Variants in NHS observed in about 807,000 individuals in gnomAD.
NHS encodes NHS actin remodeling regulator.
In NHS, 5 loss-of-function variants were observed where a neutral mutation model predicts 72.5. That is an observed-to-expected ratio of 0.07 (90% CI 0.04 to 0.14). The LOEUF (loss-of-function observed/expected upper bound fraction) is 0.14, where lower values mean the gene tolerates loss of function less well. NHS is among the 10% of genes least tolerant of loss of function. The pLI is 1.00. For missense variants in NHS, 1,072 were observed against 1,355.7 expected, an observed-to-expected ratio of 0.79 and a Z score of 3.29; for synonymous variants, 464 against 547.7, an observed-to-expected ratio of 0.85 and a Z score of 2.13.
intron 1 of NHS, among the ~76,000 whole-genome samples, chrX:17,522,623 G>C (rs35191233): frequency 0.079 from 8,198 of 103,262 alleles, 861 homozygotes; most frequent in African/African-American, 0.27. Flanking sequence ...ATCTGGAAAA[G>C]CCGGACTGGA....
chrX:17,580,208 G>A (rs2065536010), intron 1 of NHS, among the ~76,000 whole-genome samples: 1 of 110,996 alleles, frequency 9.0e-6, no homozygotes, highest in Non-Finnish European at 1.9e-5. Context: ...GGAAAAGATG[G>A]ACTGTAGAGC....
chrX:17,476,195 G>A (rs764611198), intron 1 of NHS, among the ~76,000 whole-genome samples: 4 of 111,884 alleles, frequency 3.6e-5, no homozygotes, highest in Admixed American at 2.9e-4. Context: ...GAAGCCTAAA[G>A]AAGAAGCAGT....
intron 1 of NHS, among the ~76,000 whole-genome samples, chrX:17,614,756 T>C (rs1057128483): frequency 9.0e-6 from 1 of 111,347 alleles, no homozygotes; most frequent in Non-Finnish European, 1.9e-5. Context: ...CATTGTGTGA[T>C]AAAGGTTTTT....
At position 17,375,691 on chromosome X, in the gene NHS, C is replaced by G. The variant is rs1601678103; in HGVS notation, c.-67C>G. On this transcript the variant is annotated 5_prime_UTR_variant, in exon 1 of 9. Transcript: ENST00000676302. Reference sequence around the variant, plus strand: ...CCTGCCCCCTCCCTGCTCAGGTGGGCGCGCCCGGTCTCCAGCTCACAGGGG... The same window carrying G: ...CCTGCCCCCTCCCTGCTCAGGTGGGGGCGCCCGGTCTCCAGCTCACAGGGG... 3.6e-6 allele frequency: 4 copies of G among 1,112,756 alleles called. No homozygotes were observed. In the African/African-American group the frequency reaches 5.4e-5, roughly 15 times the overall value. The allele number at this position is 1,112,756 out of a possible 1,213,427, so 91.7% of individuals were successfully genotyped here. A position where few individuals can be genotyped will look rare whatever the true frequency, so the allele number is the denominator to read the frequency against.
chrX:17,617,232 G>A (rs975429151), intron 1 of NHS, among the ~76,000 whole-genome samples: 7 of 112,067 alleles, frequency 6.2e-5, no homozygotes, highest in East Asian at 2.8e-4. Flanking sequence ...CTGCCCCTAC[G>A]CAACCACACT....
intron 1 of NHS, among the ~76,000 whole-genome samples, chrX:17,579,692 CT>C (rs907224197): frequency 9.0e-6 from 1 of 111,367 alleles, no homozygotes; most frequent in Non-Finnish European, 1.9e-5. Flanking sequence ...TGCCCTGCCC[CT>C]ATCCCCTTGG....
chrX:17,644,050 A>T (rs914460220), intron 1 of NHS, among the ~76,000 whole-genome samples: 8 of 112,321 alleles, frequency 7.1e-5, no homozygotes, highest in Non-Finnish European at 1.1e-4. Context: ...CAAGTAGCAA[A>T]TATGATTACA....
At chrX:17,604,203 A>G (rs1459566625) in intron 1 of NHS, among the ~76,000 whole-genome samples, 3 of 105,348 alleles carry the variant, frequency 2.8e-5, no homozygotes, top group Admixed American at 1.0e-4. Context: ...CCCAAACTAC[A>G]TGGTTTCCTC....
intron 3 of NHS, among the ~76,000 whole-genome samples, chrX:17,708,480 C>A (rs1470190595): frequency 1.8e-5 from 2 of 111,910 alleles, no homozygotes; most frequent in Non-Finnish European, 3.8e-5. Context: ...TGAATGCCTA[C>A]TATTAATAAG....
chrX:17,394,234 G>GA, intron 1 of NHS, among the ~76,000 whole-genome samples: 1 of 111,763 alleles, frequency 8.9e-6, no homozygotes, highest in East Asian at 2.8e-4. Context: ...AGTTAAGTCT[G>GA]AAAAAATGGT....
At chrX:17,376,827 C>T (rs2064349480) in intron 1 of NHS, among the ~76,000 whole-genome samples, 1 of 112,962 alleles carries the variant, frequency 8.9e-6, no homozygotes, top group African/African-American at 3.2e-5. Context: ...GCGGCTGTTT[C>T]GTCACTCGCT....
chrX:17,514,638 C>T (rs969198309), intron 1 of NHS, among the ~76,000 whole-genome samples: 2 of 111,832 alleles, frequency 1.8e-5, no homozygotes, highest in Non-Finnish European at 3.8e-5. Context: ...AATCAACTCC[C>T]CTTCATCTAT....
intron 1 of NHS, among the ~76,000 whole-genome samples, chrX:17,489,661 G>A (rs1212301370): frequency 1.2e-4 from 13 of 111,548 alleles, no homozygotes; most frequent in African/African-American, 3.9e-4. Context: ...CTAATTTTTT[G>A]TATTTTTAGT....
intron 3 of NHS, among the ~76,000 whole-genome samples, chrX:17,708,677 G>A (rs942636645): frequency 9.0e-6 from 1 of 111,139 alleles, no homozygotes; most frequent in Non-Finnish European, 1.9e-5. Context: ...CTTGGAGGAT[G>A]GGGTAGAATT....
At chrX:17,423,510 CTCTG>C (rs2064634415) in intron 1 of NHS, among the ~76,000 whole-genome samples, 1 of 111,295 alleles carries the variant, frequency 9.0e-6, no homozygotes, top group African/African-American at 3.3e-5. Context: ...GCCTCTGGCC[CTCTG>C]TCTGCTCGGC....
rs199797688 is a variant in NHS, at chrX:17,707,180, AG to A, written c.853-12160del. On this transcript the variant is annotated intron_variant, in intron 3 of 8. Transcript: ENST00000676302. ...TCTCCAAGCCTCATCAGAATGATCG[AG>A]GGGTGGGATATCTGATGGTCTCTAT... is the stretch of plus-strand genomic sequence containing the variant. Among the ~76,000 whole-genome samples, 464 of 111,605 alleles carry A rather than the reference AG, an allele frequency of 4.2e-3. 4 individuals are homozygous for A. Among genetic ancestry groups the A allele is most frequent in the African/African-American group, 0.014 (435 of 30,687 alleles).
intron 4 of NHS, among the ~76,000 whole-genome samples, chrX:17,719,988 C>T (rs2066396403): frequency 9.0e-6 from 1 of 111,693 alleles, no homozygotes; most frequent in Non-Finnish European, 1.9e-5. Context: ...TTCTCTCTCT[C>T]TCTCTCTCTG....
At chrX:17,564,969 A>ATTTT (rs201932159) in intron 1 of NHS, among the ~76,000 whole-genome samples, 3 of 99,942 alleles carry the variant, frequency 3.0e-5, no homozygotes, top group African/African-American at 1.4e-4. Context: ...GTACAGCCAC[A>ATTTT]TTTTTTTTTA....
intron 1 of NHS, among the ~76,000 whole-genome samples, chrX:17,629,743 C>A (rs755112167): frequency 6.2e-4 from 70 of 112,099 alleles, no homozygotes; most frequent in Non-Finnish European, 9.6e-4. Flanking sequence ...CAGCAATCCA[C>A]TGACAAGTAG....
Sources: gnomAD v4.1 joint callset for allele counts (sites outside exome capture counted in the v4.1 genomes callset) on GRCh38, gnomAD v4.1.1 for gene constraint, MANE v1.5 for transcripts, NCBI Gene and HGNC (gene_info 2026-07-23, HGNC 2026-07-21) for gene names.